Variants in PRKCA observed in about 807,000 individuals in gnomAD.
The protein encoded by PRKCA is protein kinase C alpha type.
PRKCA carries 27 observed loss-of-function variants against 87.0 expected under a neutral mutation model. The ratio of observed to expected loss-of-function variants is 0.31; its 90% CI spans 0.23 to 0.43. The LOEUF (loss-of-function observed/expected upper bound fraction) is 0.43, where lower values mean the gene tolerates loss of function less well. PRKCA is among the 20% of genes least tolerant of loss of function. The pLI is 1.00. For synonymous variants in PRKCA, 329 were observed against 311.1 expected (o/e 1.06, Z -0.61); for missense variants, 518 against 852.3 (o/e 0.61, Z 4.88).
At chr17:66,781,860 GAGAGAGAGAT>G (rs1459966295) in intron 14 of PRKCA, among the ~76,000 whole-genome samples, 19 of 112,512 alleles carry the variant, frequency 1.7e-4, no homozygotes, top group African/African-American at 7.3e-4. Flanking sequence ...GAGAGAGAGA[GAGAGAGAGAT>G]ATATATATAT....
chr17:66,741,494 G>A (rs1402989043), intron 11 of PRKCA, among the ~76,000 whole-genome samples, 165 bp from the exon 12 acceptor site: 4 of 152,198 alleles, frequency 2.6e-5, no homozygotes, highest in South Asian at 2.1e-4. Flanking sequence ...GCTGGAGGAC[G>A]AAGTGATGGA....
At chr17:66,477,091 G>T (rs1181411810) in intron 2 of PRKCA, among the ~76,000 whole-genome samples, 2 of 152,138 alleles carry the variant, frequency 1.3e-5, no homozygotes, top group Non-Finnish European at 2.9e-5. Context: ...ACCCTACCAG[G>T]ACGAGGGGCT....
chr17:66,798,608 G>A (rs1475050267), intron 16 of PRKCA, among the ~76,000 whole-genome samples: 3 of 15,486 alleles, frequency 1.9e-4, no homozygotes, highest in Non-Finnish European at 1.5e-4. Context: ...GGTGGTGGTG[G>A]TGGTGGTGGT....
At chr17:66,424,578 C>G (rs979018360) in intron 2 of PRKCA, among the ~76,000 whole-genome samples, 12 of 151,574 alleles carry the variant, frequency 7.9e-5, no homozygotes, top group African/African-American at 2.7e-4. Context: ...AACACACACA[C>G]ACACACACAC....
intron 13 of PRKCA, among the ~76,000 whole-genome samples, chr17:66,766,468 G>A (rs1974813745): frequency 6.6e-6 from 1 of 152,118 alleles, no homozygotes; most frequent in Non-Finnish European, 1.5e-5. Context: ...AGGAAACAAA[G>A]TATAACCTCC....
intron 8 of PRKCA, among the ~76,000 whole-genome samples, chr17:66,726,798 C>T (rs997762092): frequency 1.3e-5 from 2 of 151,788 alleles, no homozygotes; most frequent in Non-Finnish European, 2.9e-5. Flanking sequence ...GATCTTGGCT[C>T]ACTGCAACCT....
At chr17:66,506,051 T>C (rs758746144) in intron 3 of PRKCA, among the ~76,000 whole-genome samples, 3 of 152,096 alleles carry the variant, frequency 2.0e-5, no homozygotes, top group Non-Finnish European at 2.9e-5. Flanking sequence ...ATCCCAGCAC[T>C]TTGGGAGGTC....
chr17:66,636,287 A>G (rs999359186), intron 3 of PRKCA, among the ~76,000 whole-genome samples: 1 of 152,242 alleles, frequency 6.6e-6, no homozygotes, highest in Non-Finnish European at 1.5e-5. Context: ...ACTAGGTGAG[A>G]TTAATTAGAC....
At chr17:66,501,051 A>G (rs149973492) in intron 3 of PRKCA, among the ~76,000 whole-genome samples, 119 of 152,274 alleles carry the variant, frequency 7.8e-4, no homozygotes, top group African/African-American at 2.3e-3. Flanking sequence ...ACTCTAACAC[A>G]TTCACAGACG....
At chr17:66,783,196 T>C (rs756712147) in intron 14 of PRKCA, among the ~76,000 whole-genome samples, 1 of 152,194 alleles carries the variant, frequency 6.6e-6, no homozygotes, top group African/African-American at 2.4e-5. Flanking sequence ...TGTTACAGCT[T>C]GGGCATCTTA....
chr17:66,372,342 T>A (rs74791171), intron 2 of PRKCA, among the ~76,000 whole-genome samples: 60 of 152,334 alleles, frequency 3.9e-4, no homozygotes, highest in African/African-American at 1.3e-3. Flanking sequence ...ACATATACCA[T>A]TGGAGACACC....
At chr17:66,355,420 T>C (rs370832543) in intron 2 of PRKCA, among the ~76,000 whole-genome samples, 9 of 152,214 alleles carry the variant, frequency 5.9e-5, no homozygotes, top group African/African-American at 2.2e-4. Flanking sequence ...ATGGAGCTCC[T>C]GAGGTATTTC....
At chr17:66,541,504 AAAATAATTCCCACTTTCC>A (rs1424979120) in intron 3 of PRKCA, among the ~76,000 whole-genome samples, 93 of 152,358 alleles carry the variant, frequency 6.1e-4, no homozygotes, top group Non-Finnish European at 2.4e-4. Context: ...TGTGGAAGAA[AAAATAATTCCCACTTTCC>A]AAATAGAGGC....
intron 5 of PRKCA, among the ~76,000 whole-genome samples, chr17:66,666,073 C>T (rs1300797450): frequency 6.6e-6 from 1 of 152,134 alleles, no homozygotes; most frequent in Non-Finnish European, 1.5e-5. Flanking sequence ...GACCATGTGA[C>T]TTGATGAGAG....
At chr17:66,425,768 C>G (rs1021793228) in intron 2 of PRKCA, among the ~76,000 whole-genome samples, 1 of 152,080 alleles carries the variant, frequency 6.6e-6, no homozygotes, top group Non-Finnish European at 1.5e-5. Flanking sequence ...TTCAAGAACT[C>G]TAAGGTATGT....
intron 15 of PRKCA, among the ~76,000 whole-genome samples, chr17:66,788,297 G>C (rs902247312): frequency 3.9e-5 from 6 of 152,140 alleles, no homozygotes; most frequent in Admixed American, 2.6e-4. Flanking sequence ...CATAGACAGT[G>C]TTTGTCTCTG....
At chr17:66,363,250 A>G (rs1428678440) in intron 2 of PRKCA, among the ~76,000 whole-genome samples, 1 of 152,152 alleles carries the variant, frequency 6.6e-6, no homozygotes, top group African/African-American at 2.4e-5. Flanking sequence ...TGTGTGTTTT[A>G]TTGTTTTGTT....
intron 10 of PRKCA, among the ~76,000 whole-genome samples, chr17:66,737,309 G>A (rs565038221): frequency 6.6e-6 from 1 of 152,130 alleles, no homozygotes; most frequent in East Asian, 1.9e-4. Context: ...CTTGCAGTGA[G>A]CCGAGATGGC....
At position 66,585,071 on chromosome 17, in the gene PRKCA, G is replaced by T. The variant is rs553294719; in HGVS notation, c.289-56284G>T. Among the ~76,000 whole-genome samples the T allele has an allele frequency of 3.9e-5, 6 of 151,988 alleles. No homozygotes were observed. The South Asian group carries it at 8.3e-4, about 21-fold the overall frequency. ...CCATGGTGAAATGCATGGGGAGGGG[G>T]GGGTGGTGGTTAATAGATGAGCGTG... On this transcript the variant is annotated intron_variant, in intron 3 of 16. Transcript: ENST00000413366.
Sources: gnomAD v4.1 joint callset for allele counts (sites outside exome capture counted in the v4.1 genomes callset) on GRCh38, gnomAD v4.1.1 for gene constraint, MANE v1.5 for transcripts, NCBI Gene and HGNC (gene_info 2026-07-23, HGNC 2026-07-21) for gene names.